The following KDM2B variants were observed in gnomAD, a reference collection of about 807,000 sequenced individuals.
The protein encoded by KDM2B is lysine-specific demethylase 2B.
Under a neutral mutation model 150.0 loss-of-function variants are expected in KDM2B, and 26 were observed. The ratio of observed to expected loss-of-function variants is 0.17; its 90% CI spans 0.13 to 0.24. The LOEUF (loss-of-function observed/expected upper bound fraction) is 0.24. Among genes scored for constraint, KDM2B ranks in the 10% least tolerant of loss-of-function variants. The pLI is 1.00. For missense variants in KDM2B, 1,265 were observed against 1,816.9 expected (o/e 0.70, Z 5.52); for synonymous variants, 734 against 729.5 (o/e 1.01, Z -0.10).
downstream of KDM2B, among the ~76,000 whole-genome samples, chr12:121,428,405 G>A (rs1872617922): frequency 6.6e-6 from 1 of 152,076 alleles, no homozygotes; most frequent in African/African-American, 2.4e-5. Context: ...ATTGTGGTCA[G>A]GCTGGTCTTG....
At chr12:121,530,942 A>G (rs28728162) in intron 8 of KDM2B, among the ~76,000 whole-genome samples, 93,303 of 151,798 alleles carry the variant, frequency 0.61, 31,141 homozygotes, top group African/African-American at 0.89. Flanking sequence ...CCACCCCACC[A>G]CCATTGTAGA....
intron 8 of KDM2B, among the ~76,000 whole-genome samples, chr12:121,525,438 T>G (rs1010839644): frequency 6.6e-6 from 1 of 151,992 alleles, no homozygotes; most frequent in Non-Finnish European, 1.5e-5. Flanking sequence ...GAGATGAGGT[T>G]TTACCATGTT....
chr12:121,532,791 C>A lies in KDM2B; in HGVS notation c.931+15G>T. ...GGAGACTCGAGGAGCCCAGAGAGTG[C>A]CCCTGGAAACCTACCGGAAGGGATG... On this transcript the variant is annotated intron_variant, in intron 8 of 22. Coordinates refer to ENST00000377071, the MANE Select transcript of KDM2B (RefSeq NM_032590.5). The A allele has an allele frequency of 6.2e-7, 1 of 1,612,982 alleles. No individual in the cohort carries two copies. Among genetic ancestry groups the A allele is most frequent in the Middle Eastern group, 1.7e-4 (1 of 6,054 alleles).
chr12:121,542,663 T>A (rs534833410), intron 6 of KDM2B, among the ~76,000 whole-genome samples: 2 of 152,210 alleles, frequency 1.3e-5, no homozygotes, highest in Admixed American at 6.5e-5. Flanking sequence ...TATAAGGAAT[T>A]TTCTAAGACA....
chr12:121,501,873 G>A (rs758666044), intron 11 of KDM2B, among the ~76,000 whole-genome samples: 1 of 152,040 alleles, frequency 6.6e-6, no homozygotes, highest in Non-Finnish European at 1.5e-5. Flanking sequence ...CGCCCGCCTC[G>A]GCCTCCCAAA....
At position 121,513,346 on chromosome 12, in the gene KDM2B, C is replaced by T; in HGVS notation, c.1104G>A (p.Glu368=). 6.2e-7 allele frequency: 1 copy of T among 1,613,610 alleles called. No homozygotes were observed. Among genetic ancestry groups the T allele is most frequent in the Middle Eastern group, 1.7e-4 (1 of 6,058 alleles). The change falls in exon 10 of 23, where the codon GAG becomes GAA. Residue 368 remains glutamate, a synonymous_variant. Transcript: ENST00000377071. This position sits in a 1 kb window ranked among gnomAD's most constrained non-coding sequence, Gnocchi z 5.0. The stretch of plus-strand genomic sequence containing the variant: ...GCTGGGTCACACAGTACACGTATCT[C>T]TCCAGGACATACCAGCACATCTCAT... The part of the protein sequence containing the change: ...FYYEMCWYVL[E]RYVYCVTQRS...
chr12:121,496,863 G>T (rs1280479403), intron 11 of KDM2B, among the ~76,000 whole-genome samples: 1 of 151,210 alleles, frequency 6.6e-6, no homozygotes, highest in Non-Finnish European at 1.5e-5. Flanking sequence ...GGGATTATAG[G>T]TGTGAGCCCC....
the KDM2B span, chr12:121,423,302 T>C: frequency 1.9e-6 from 2 of 1,078,890 alleles, no homozygotes; most frequent in Non-Finnish European, 2.7e-6. This position sits in a 1 kb window ranked among gnomAD's most constrained non-coding sequence, Gnocchi z 4.3. Context: ...ATTCAGCAGG[T>C]GGCTGCTCAG....
At position 121,518,414 on chromosome 12, in the gene KDM2B, C is replaced by A. The variant is rs932713434; in HGVS notation, c.1047+2571G>T. 6.6e-6 allele frequency among the ~76,000 whole-genome samples: 1 copy of A among 152,194 alleles called. No homozygotes were observed. The highest frequency in any genetic ancestry group is 6.5e-5 in the Admixed American group (1 of 15,270). ...CAGAAATCAAGGCAGATTAAACAAC[C>A]TGCCGCTGCTCCCAGCCCAGTCTGC... On this transcript the variant is annotated intron_variant, in intron 9 of 22. Coordinates refer to ENST00000377071, the MANE Select transcript of KDM2B (RefSeq NM_032590.5). The surrounding 1 kb of genome is among the most constrained non-coding windows in gnomAD (Gnocchi z 4.4).
In KDM2B at chr12:121,467,412, C is replaced by G. The variant is rs1473405848; in HGVS notation, c.1735-14068G>C. The G allele has an allele frequency of 2.2e-6, 2 of 927,892 alleles. No homozygotes were observed. Among genetic ancestry groups the G allele is most frequent in the Non-Finnish European group, 2.6e-6 (2 of 780,242 alleles). The allele number at this position is 927,892 out of a possible 1,614,324, so 57.5% of individuals were successfully genotyped here. A position where few individuals can be genotyped will look rare whatever the true frequency, so the allele number is the denominator to read the frequency against. Reference sequence around the variant, plus strand: ...CGGGGAGGGGCCGGCGGGGGAGGGCCGGGGCGCCATGCATATGCATGAGGC... The same window carrying G: ...CGGGGAGGGGCCGGCGGGGGAGGGCGGGGGCGCCATGCATATGCATGAGGC... On this transcript the variant is annotated intron_variant, in intron 12 of 22. Coordinates refer to ENST00000377071, the MANE Select transcript of KDM2B (RefSeq NM_032590.5). The surrounding 1 kb of genome is among the most constrained non-coding windows in gnomAD (Gnocchi z 5.1).
At chr12:121,411,598 TTTC>T in the KDM2B span, among the ~76,000 whole-genome samples, 1 of 152,164 alleles carries the variant, frequency 6.6e-6, no homozygotes, top group Admixed American at 6.5e-5. Context: ...GATTTTTGGT[TTTC>T]TTTACCAAGA....
intron 4 of KDM2B, among the ~76,000 whole-genome samples, chr12:121,573,169 G>T (rs1471862545): frequency 6.8e-6 from 1 of 147,316 alleles, no homozygotes; most frequent in Admixed American, 6.8e-5. Context: ...ATGTTGCCCA[G>T]GCTGGTCTCA....
chr12:121,409,012 C>A, the KDM2B span, among the ~76,000 whole-genome samples: 1 of 151,644 alleles, frequency 6.6e-6, no homozygotes, highest in African/African-American at 2.4e-5. Flanking sequence ...TGCTCGGTCA[C>A]CCAGGCTGGA....
At chr12:121,469,342 G>C (rs936676632) in intron 12 of KDM2B, 1 of 145,484 alleles carries the variant, frequency 6.9e-6, no homozygotes, top group Non-Finnish European at 1.5e-5. Flanking sequence ...ATGGCTGGGC[G>C]CGGTGGCTCA....
At chr12:121,444,353 A>T in intron 15 of KDM2B, 81 bp from the exon 16 acceptor site, 1 of 1,604,994 alleles carries the variant, frequency 6.2e-7, no homozygotes, top group Non-Finnish European at 8.5e-7. Context: ...GCCGACGGCA[A>T]CCCACCTGCC....
At chr12:121,456,058 G>A (rs1593808000) in intron 12 of KDM2B, among the ~76,000 whole-genome samples, 1 of 152,230 alleles carries the variant, frequency 6.6e-6, no homozygotes, top group East Asian at 1.9e-4. Context: ...CTTTACTGAT[G>A]ATATTACCTA....
At chr12:121,571,455 A>G (rs1891081058) in intron 4 of KDM2B, among the ~76,000 whole-genome samples, 1 of 150,234 alleles carries the variant, frequency 6.7e-6, no homozygotes, top group Admixed American at 6.7e-5. Flanking sequence ...CACGTGGTGA[A>G]TTTTTGTATT....
chr12:121,536,454 T>G (rs1888105898), intron 6 of KDM2B, among the ~76,000 whole-genome samples: 1 of 152,288 alleles, frequency 6.6e-6, no homozygotes, highest in East Asian at 1.9e-4. Context: ...GTCCCGACTC[T>G]GGGCTCCACA....
At position 121,452,002 on chromosome 12, in the gene KDM2B, G is replaced by A. The variant is rs1555291726; in HGVS notation, c.1959+1118C>T. 6.6e-6 allele frequency among the ~76,000 whole-genome samples: 1 copy of A among 152,088 alleles called. No individual in the cohort carries two copies. Among genetic ancestry groups the A allele is most frequent in the African/African-American group, 2.4e-5 (1 of 41,406 alleles). ...AATTGTCATATGCTTCAACATGGAT[G>A]AACCCTGAGGACTTTATGCTCAGGG... On this transcript the variant is annotated intron_variant, in intron 13 of 22. Coordinates refer to ENST00000377071, the MANE Select transcript of KDM2B (RefSeq NM_032590.5). This position sits in a 1 kb window ranked among gnomAD's most constrained non-coding sequence, Gnocchi z 4.4.
Sources: gnomAD v4.1 joint callset for allele counts (sites outside exome capture counted in the v4.1 genomes callset) on GRCh38, gnomAD v4.1.1 for gene constraint, Gnocchi (gnomAD v3.1) non-coding constraint, MANE v1.5 for transcripts, NCBI Gene and HGNC (gene_info 2026-07-23, HGNC 2026-07-21) for gene names.